SOAT1: variants seen among roughly 807,000 people sequenced by gnomAD.
SOAT1 encodes acyl-coenzyme A:cholesterol acyltransferase 1.
SOAT1 carries 55 observed loss-of-function variants against 69.5 expected under a neutral mutation model. The observed-to-expected ratio is 0.79, with a 90% CI of 0.64 to 0.99. SOAT1 has a LOEUF of 0.99. SOAT1 is among the 50% of genes least tolerant of loss of function. The pLI, the probability that SOAT1 is intolerant of heterozygous loss-of-function variation, is 0.00. For synonymous variants in SOAT1, 231 were observed against 224.7 expected, an observed-to-expected ratio of 1.03 and a Z score of -0.25; for missense variants, 580 against 669.3, an observed-to-expected ratio of 0.87 and a Z score of 1.47.
chr1:179,299,758 T>G (rs1387349152), intron 1 of SOAT1, among the ~76,000 whole-genome samples: 1 of 122,676 alleles, frequency 8.2e-6, no homozygotes, highest in East Asian at 2.3e-4. Context: ...TTTTTTTTTT[T>G]TTTTTTTTTT....
chr1:179,349,883 A>C (rs987161703), intron 13 of SOAT1, among the ~76,000 whole-genome samples: 1 of 152,238 alleles, frequency 6.6e-6, no homozygotes, highest in African/African-American at 2.4e-5. Context: ...ATTCAAGTGT[A>C]GTTTCACATA....
At chr1:179,350,267 T>G (rs1022284721) in intron 13 of SOAT1, 29 bp from the exon 14 acceptor site, 2 of 1,595,892 alleles carry the variant, frequency 1.3e-6, no homozygotes, top group African/African-American at 2.7e-5. Context: ...TTTTAAAAAT[T>G]ACTTTGTAGT....
intron 10 of SOAT1, 57 bp from the exon 11 acceptor site, chr1:179,344,886 AAAAT>A: frequency 6.4e-7 from 1 of 1,564,980 alleles, no homozygotes. Context: ...TGGAGAGAAA[AAAAT>A]CGCCTTCCAT....
intron 10 of SOAT1, 97 bp from the exon 11 acceptor site, chr1:179,344,845 TTACTG>T: frequency 9.3e-7 from 1 of 1,078,558 alleles, no homozygotes; most frequent in Admixed American, 1.9e-5. Flanking sequence ...TATGCGAACA[TTACTG>T]TAAGGGTCAC....
chr1:179,318,709 C>T (rs1665484651), intron 2 of SOAT1, among the ~76,000 whole-genome samples: 1 of 152,174 alleles, frequency 6.6e-6, no homozygotes, highest in Non-Finnish European at 1.5e-5. Flanking sequence ...TAAATAGGAT[C>T]ATACGATATG....
intron 2 of SOAT1, among the ~76,000 whole-genome samples, chr1:179,310,570 C>T (rs988981862): frequency 5.9e-5 from 9 of 152,022 alleles, no homozygotes; most frequent in Non-Finnish European, 1.2e-4. Context: ...TCTTATCTTC[C>T]CTTTTATTGT....
chr1:179,337,987 T>C (rs1044162867), intron 5 of SOAT1, 91 bp downstream of exon 5: 4 of 797,610 alleles, frequency 5.0e-6, no homozygotes, highest in South Asian at 2.0e-5. Context: ...TGTAATGAGT[T>C]CTGTATCTGT....
At chr1:179,342,238 T>TCTCCC in intron 8 of SOAT1, 46 bp downstream of exon 8, 1 of 1,117,368 alleles carries the variant, frequency 8.9e-7, no homozygotes, top group Non-Finnish European at 1.2e-6. Flanking sequence ...CCTCCCCTCC[T>TCTCCC]CTCCCCCCAC....
rs192209131 is a variant in SOAT1 at position 179,326,651 on chromosome 1, G to T, written c.177+3156G>T. On this transcript the variant is annotated intron_variant, in intron 3 of 15. Transcript: ENST00000367619. ...CTGATCACTGCAACCTCTGCCTCCC[G>T]GGTTCAAGTGATTCTCCTGCCTAAC... 2.7e-5 allele frequency among the ~76,000 whole-genome samples: 4 copies of T among 150,530 alleles called. No individual in the cohort carries two copies. In the East Asian group the frequency reaches 7.8e-4, roughly 29 times the overall value.
In SOAT1 at chr1:179,345,704, C is replaced by T. The variant is rs1408383017; in HGVS notation, c.1117+628C>T. ...TAGCTGGGACTACAGGTGCATGCCA[C>T]CATGCCTGGCTAAGTTTTTATTTTT... On this transcript the variant is annotated intron_variant, in intron 11 of 15. Transcript: ENST00000367619. Among the ~76,000 whole-genome samples the T allele has an allele frequency of 2.6e-5, 4 of 152,152 alleles. No individual in the cohort carries two copies. In the East Asian group the frequency reaches 5.8e-4, roughly 22 times the overall value.
At position 179,344,935 on chromosome 1, in the gene SOAT1, G is replaced by A. The variant is rs1666473168; in HGVS notation, c.988-12G>A. 1 of 1,613,620 alleles carries A rather than the reference G, an allele frequency of 6.2e-7. No homozygotes were observed. Among genetic ancestry groups the A allele is most frequent in the Non-Finnish European group, 8.5e-7 (1 of 1,179,814 alleles). ...CCATCGTTATTATAATTCTGTCTCT[G>A]TTATGTTCCAGGTCTTTGGTTGCTT... On this transcript the variant is annotated splice_polypyrimidine_tract_variant and intron_variant, in intron 10 of 15. Coordinates refer to ENST00000367619, the MANE Select transcript of SOAT1 (RefSeq NM_003101.6).
chr1:179,338,858 A>G (rs1045183750), intron 5 of SOAT1, among the ~76,000 whole-genome samples: 1 of 152,142 alleles, frequency 6.6e-6, no homozygotes, highest in African/African-American at 2.4e-5. Context: ...AGTATATTAG[A>G]TTACTCAAAA....
At chr1:179,315,232 G>A (rs553897227) in intron 2 of SOAT1, among the ~76,000 whole-genome samples, 1 of 152,152 alleles carries the variant, frequency 6.6e-6, no homozygotes, top group East Asian at 1.9e-4. Context: ...ATTGCTGGAG[G>A]CCAGGAGTTC....
Position 179,342,126 on chromosome 1 carries a change from A to G in SOAT1, c.793A>G (p.Met265Val). 1.2e-6 allele frequency: 2 copies of G among 1,613,762 alleles called. No individual in the cohort carries two copies. The highest frequency in any genetic ancestry group is 1.7e-6 in the Non-Finnish European group (2 of 1,179,776). The stretch of plus-strand genomic sequence containing the variant: ...CCTGCTTTTGTAGATTCGTTTTGTA[A>G]TGAAGGCCCACTCATTTGTCAGAGA... Reference protein sequence around the residue: ...IIIFEQIRFVMKAHSFVRENV... With the variant: ...IIIFEQIRFVVKAHSFVRENV... The change falls in exon 8 of 16, where the codon ATG becomes GTG. Residue 265 changes from methionine (M) to valine (V), a missense_variant. Coordinates refer to ENST00000367619, the MANE Select transcript of SOAT1 (RefSeq NM_003101.6).
intron 2 of SOAT1, among the ~76,000 whole-genome samples, chr1:179,314,707 G>C (rs542775186): frequency 2.6e-5 from 4 of 152,016 alleles, no homozygotes; most frequent in Non-Finnish European, 4.4e-5. Flanking sequence ...ATGATAATAG[G>C]CGTGAGCCAG....
intron 4 of SOAT1, 50 bp downstream of exon 4, chr1:179,335,707 C>T: frequency 6.6e-7 from 1 of 1,509,742 alleles, no homozygotes; most frequent in East Asian, 2.3e-5. Context: ...CAGTATAGTT[C>T]AATGGTGAAA....
chr1:179,339,808 A>G (rs553768007), intron 6 of SOAT1, among the ~76,000 whole-genome samples: 1 of 152,354 alleles, frequency 6.6e-6, no homozygotes, highest in East Asian at 1.9e-4. Context: ...AACTTTATAC[A>G]CAGTTGACCT....
At chr1:179,339,272 C>G (rs1182860049) in intron 5 of SOAT1, among the ~76,000 whole-genome samples, 166 bp from the exon 6 acceptor site, 2 of 152,054 alleles carry the variant, frequency 1.3e-5, no homozygotes, top group Admixed American at 1.3e-4. Context: ...ACATCCATTT[C>G]TGGTAGGTTT....
At chr1:179,329,002 C>T (rs147055058) in intron 3 of SOAT1, among the ~76,000 whole-genome samples, 2,379 of 148,990 alleles carry the variant, frequency 0.016, 67 homozygotes, top group African/African-American at 0.054. Flanking sequence ...GCTGAGATGG[C>T]GCCACTGCAC....
Sources: allele counts gnomAD v4.1 joint callset (sites outside exome capture counted in the v4.1 genomes callset), GRCh38; gene constraint gnomAD v4.1.1; transcripts MANE v1.5; gene names NCBI Gene and HGNC (gene_info 2026-07-23, HGNC 2026-07-21).